Variants in FAM83B observed in about 807,000 individuals in gnomAD.
The protein encoded by FAM83B is protein FAM83B.
Under a neutral mutation model 38.8 loss-of-function variants are expected in FAM83B, and 26 were observed. The observed-to-expected ratio is 0.67, with a 90% CI of 0.49 to 0.93. The LOEUF is 0.93. FAM83B is among the 40% of genes least tolerant of loss of function. The pLI is 0.00. For missense variants in FAM83B, 1,237 were observed against 1,197.3 expected, an observed-to-expected ratio of 1.03 and a Z score of -0.49; for synonymous variants, 419 against 423.1, an observed-to-expected ratio of 0.99 and a Z score of 0.12.
At chr6:54,889,012 C>T (rs1006918256) in intron 2 of FAM83B, among the ~76,000 whole-genome samples, 1 of 152,050 alleles carries the variant, frequency 6.6e-6, no homozygotes, top group Admixed American at 6.6e-5. Context: ...CTTTCAATCA[C>T]TAATCCTCTC....
At chr6:54,929,084 A>C (rs139487823) in intron 4 of FAM83B, among the ~76,000 whole-genome samples, 1 of 152,150 alleles carries the variant, frequency 6.6e-6, no homozygotes, top group Non-Finnish European at 1.5e-5. Context: ...CTAACACTCT[A>C]TTCTCTGTGT....
chr6:54,887,061 C>T (rs546435140), intron 2 of FAM83B, among the ~76,000 whole-genome samples: 1 of 152,076 alleles, frequency 6.6e-6, no homozygotes, highest in African/African-American at 2.4e-5. Flanking sequence ...ATAATTTACT[C>T]TGTATGACTT....
At chr6:54,852,092 C>T (rs893705372) in intron 1 of FAM83B, among the ~76,000 whole-genome samples, 2 of 152,156 alleles carry the variant, frequency 1.3e-5, no homozygotes, top group African/African-American at 4.8e-5. Context: ...ATTTACAGTT[C>T]TTTATTTCTG....
At chr6:54,861,026 C>T (rs893071509) in intron 1 of FAM83B, among the ~76,000 whole-genome samples, 1 of 152,166 alleles carries the variant, frequency 6.6e-6, no homozygotes, top group African/African-American at 2.4e-5. Context: ...CTTGCCTTGG[C>T]CTACCAAAGT....
chr6:54,850,663 T>A, intron 1 of FAM83B, among the ~76,000 whole-genome samples: 1 of 152,220 alleles, frequency 6.6e-6, no homozygotes, highest in East Asian at 1.9e-4. Flanking sequence ...GCTTTAATTC[T>A]TAACAGCATG....
intron 2 of FAM83B, among the ~76,000 whole-genome samples, chr6:54,923,153 C>T (rs936217754): frequency 6.6e-6 from 1 of 151,734 alleles, no homozygotes; most frequent in Admixed American, 6.6e-5. Context: ...AAATATAAGG[C>T]GTGATGTTTT....
At chr6:54,883,836 A>T (rs1050183523) in intron 2 of FAM83B, among the ~76,000 whole-genome samples, 1 of 151,482 alleles carries the variant, frequency 6.6e-6, no homozygotes, top group Non-Finnish European at 1.5e-5. Context: ...CAATTTTTTA[A>T]TCTTTTATTT....
Position 54,942,882 on chromosome 6 carries a change from C to G in FAM83B, c.*875C>G, listed in dbSNP as rs1340975140. On this transcript the variant is annotated 3_prime_UTR_variant, in exon 5 of 5. Transcript: ENST00000306858. ...GATTGGCATGACAATGCTAAGGGGTCTTGCTTGCGAAAATTCTTGCTCTTT... is the reference window on the plus strand; with the variant it reads ...GATTGGCATGACAATGCTAAGGGGTGTTGCTTGCGAAAATTCTTGCTCTTT... Among the ~76,000 whole-genome samples the G allele has an allele frequency of 6.6e-6, 1 of 151,162 alleles. No individual in the cohort carries two copies. The highest frequency in any genetic ancestry group is 1.5e-5 in the Non-Finnish European group (1 of 67,898).
chr6:54,865,827 G>A (rs1201681368), intron 1 of FAM83B, among the ~76,000 whole-genome samples: 1 of 152,034 alleles, frequency 6.6e-6, no homozygotes, highest in Non-Finnish European at 1.5e-5. Flanking sequence ...TTATACTGCA[G>A]ATGATTAAAT....
chr6:54,894,210 G>T (rs550790633), intron 2 of FAM83B, among the ~76,000 whole-genome samples: 1 of 152,344 alleles, frequency 6.6e-6, no homozygotes, highest in East Asian at 1.9e-4. Context: ...GGCCTTCAGG[G>T]ATTGTAGTGT....
intron 2 of FAM83B, among the ~76,000 whole-genome samples, chr6:54,918,149 G>A (rs1773088862): frequency 6.6e-6 from 1 of 152,146 alleles, no homozygotes; most frequent in African/African-American, 2.4e-5. Context: ...TGGTAATGAA[G>A]TATTAGAATA....
intron 2 of FAM83B, among the ~76,000 whole-genome samples, chr6:54,914,905 C>A (rs1028423): frequency 0.23 from 35,673 of 151,880 alleles, 5,336 homozygotes; most frequent in African/African-American, 0.43. Flanking sequence ...TCCTGTTCAC[C>A]ACCAAAATAT....
intron 2 of FAM83B, among the ~76,000 whole-genome samples, chr6:54,901,661 G>T (rs1003259344): frequency 2.6e-5 from 4 of 152,164 alleles, no homozygotes; most frequent in Admixed American, 6.5e-5. Context: ...AACAATATTT[G>T]CTGGTTGAAG....
intron 2 of FAM83B, among the ~76,000 whole-genome samples, chr6:54,877,989 T>C (rs1340720872): frequency 6.6e-6 from 1 of 152,236 alleles, no homozygotes; most frequent in South Asian, 2.1e-4. Context: ...GTCACTCACC[T>C]GGAACTGACA....
intron 2 of FAM83B, among the ~76,000 whole-genome samples, chr6:54,904,668 G>T (rs776127043): frequency 1.2e-4 from 18 of 152,288 alleles, no homozygotes; most frequent in Non-Finnish European, 2.1e-4. Flanking sequence ...TAAGACATTA[G>T]ACTAAGAGAC....
intron 2 of FAM83B, among the ~76,000 whole-genome samples, chr6:54,916,999 G>A (rs916584563): frequency 6.6e-6 from 1 of 152,132 alleles, no homozygotes; most frequent in Non-Finnish European, 1.5e-5. Flanking sequence ...GAGATCCACA[G>A]GGATGCCTCA....
At chr6:54,926,881 G>A (rs866491224) in intron 3 of FAM83B, among the ~76,000 whole-genome samples, 8 of 152,024 alleles carry the variant, frequency 5.3e-5, no homozygotes, top group Middle Eastern at 3.4e-3. Context: ...ACAGGTGCCC[G>A]CCACCATGCC....
At chr6:54,887,866 T>A (rs1175088508) in intron 2 of FAM83B, among the ~76,000 whole-genome samples, 2 of 151,868 alleles carry the variant, frequency 1.3e-5, no homozygotes, top group Admixed American at 1.3e-4. Flanking sequence ...TTTCTCTGTA[T>A]GATTATGGTA....
At chr6:54,919,985 T>C (rs1029829898) in intron 2 of FAM83B, among the ~76,000 whole-genome samples, 5 of 151,978 alleles carry the variant, frequency 3.3e-5, no homozygotes, top group Admixed American at 2.0e-4. Flanking sequence ...TATATAGATA[T>C]AGCAGTTAAG....
Sources: allele counts gnomAD v4.1 joint callset (sites outside exome capture counted in the v4.1 genomes callset), GRCh38; gene constraint gnomAD v4.1.1; transcripts MANE v1.5; gene names NCBI Gene and HGNC (gene_info 2026-07-23, HGNC 2026-07-21).